NOS1AP: variants seen among roughly 807,000 people sequenced by gnomAD.
NOS1AP encodes the protein nitric oxide synthase 1 adaptor protein.
Under a neutral mutation model 56.2 loss-of-function variants are expected in NOS1AP, and 21 were observed. The observed-to-expected ratio is 0.37, with a 90% CI of 0.26 to 0.54. The LOEUF (loss-of-function observed/expected upper bound fraction) is 0.54. NOS1AP is among the 20% of genes least tolerant of loss of function. The pLI is 0.84. For missense variants in NOS1AP, 522 were observed against 657.8 expected (o/e 0.79, Z 2.26); for synonymous variants, 270 against 274.6 (o/e 0.98, Z 0.17).
At chr1:162,307,579 G>A (rs1001089556) in intron 4 of NOS1AP, among the ~76,000 whole-genome samples, 9 of 152,228 alleles carry the variant, frequency 5.9e-5, no homozygotes, top group South Asian at 2.1e-4. Context: ...TGAGGCAGGC[G>A]GATCACGAGG....
intron 6 of NOS1AP, among the ~76,000 whole-genome samples, chr1:162,349,700 G>C (rs1657428844): frequency 6.6e-6 from 1 of 152,180 alleles, no homozygotes; most frequent in Non-Finnish European, 1.5e-5. Flanking sequence ...TGTTTATTAA[G>C]TTTTCCAATG....
chr1:162,141,965 A>C (rs1277742734), intron 1 of NOS1AP, among the ~76,000 whole-genome samples: 1 of 152,212 alleles, frequency 6.6e-6, no homozygotes, highest in Non-Finnish European at 1.5e-5. Context: ...TTCTTGCTTA[A>C]AAACAGGAAA....
intron 1 of NOS1AP, among the ~76,000 whole-genome samples, chr1:162,154,103 C>A (rs991310067): frequency 6.6e-6 from 1 of 151,838 alleles, no homozygotes; most frequent in East Asian, 1.9e-4. Flanking sequence ...ATTGCTTTGC[C>A]ATAAAGTAGT....
chr1:162,172,236 C>T (rs1650823392), intron 2 of NOS1AP, among the ~76,000 whole-genome samples: 1 of 152,212 alleles, frequency 6.6e-6, no homozygotes. Flanking sequence ...AAAGAGGAAA[C>T]TTGTTGAGCC....
intron 4 of NOS1AP, among the ~76,000 whole-genome samples, chr1:162,309,792 T>C (rs1290892609): frequency 6.6e-6 from 1 of 152,210 alleles, no homozygotes. Context: ...GAGGAGCTAG[T>C]AATGCCTTTA....
At chr1:162,206,659 C>A (rs1329165518) in intron 2 of NOS1AP, among the ~76,000 whole-genome samples, 4 of 152,152 alleles carry the variant, frequency 2.6e-5, no homozygotes, top group Non-Finnish European at 5.9e-5. Flanking sequence ...AGTAGGCATT[C>A]TTGATGATCA....
chr1:162,249,943 C>T (rs1381212171), intron 2 of NOS1AP, among the ~76,000 whole-genome samples: 1 of 152,182 alleles, frequency 6.6e-6, no homozygotes, highest in Non-Finnish European at 1.5e-5. Flanking sequence ...GAAGTAAAGA[C>T]TTTGTAGGTT....
intron 2 of NOS1AP, among the ~76,000 whole-genome samples, chr1:162,198,269 A>G (rs374986592): frequency 2.4e-4 from 36 of 152,320 alleles, no homozygotes; most frequent in African/African-American, 8.2e-4. Flanking sequence ...CTTATTTTCC[A>G]GTCATCAAAG....
chr1:162,188,442 G>T lies in NOS1AP; in HGVS notation c.177+33966G>T, dbSNP rs1195934889. The stretch of plus-strand genomic sequence containing the variant: ...CTGTTGTTAATATCTTATAAGACCT[G>T]GATCACTTGCTTTATTGAAATGGGA... On this transcript the variant is annotated intron_variant, in intron 2 of 9. Transcript: ENST00000361897. This position sits in a 1 kb window ranked among gnomAD's most constrained non-coding sequence, Gnocchi z 4.0. Among the ~76,000 whole-genome samples the T allele has an allele frequency of 6.6e-6, 1 of 152,132 alleles. No individual in the cohort carries two copies. The highest frequency in any genetic ancestry group is 1.5e-5 in the Non-Finnish European group (1 of 68,032).
intron 1 of NOS1AP, among the ~76,000 whole-genome samples, chr1:162,120,428 G>T (rs1648160606): frequency 6.6e-6 from 1 of 152,164 alleles, no homozygotes; most frequent in African/African-American, 2.4e-5. Flanking sequence ...AATGAGGAGA[G>T]AATTTGTATT....
At chr1:162,221,604 C>T (rs898951662) in intron 2 of NOS1AP, among the ~76,000 whole-genome samples, 8 of 149,480 alleles carry the variant, frequency 5.4e-5, no homozygotes, top group African/African-American at 1.7e-4. Context: ...GGGTTCAAAG[C>T]CTGTCTCTAT....
At chr1:162,083,491 C>T (rs1260654498) in intron 1 of NOS1AP, among the ~76,000 whole-genome samples, 1 of 152,100 alleles carries the variant, frequency 6.6e-6, no homozygotes, top group Non-Finnish European at 1.5e-5. Context: ...TCCTCCTGCC[C>T]TGGCCTCCCA....
intron 1 of NOS1AP, among the ~76,000 whole-genome samples, chr1:162,145,039 C>T (rs1467338014): frequency 1.3e-5 from 2 of 152,210 alleles, no homozygotes. Context: ...AAGGATTCTG[C>T]TGTGATCTCC....
intron 8 of NOS1AP, 46 bp from the exon 9 acceptor site, chr1:162,365,358 C>G (rs370952844): frequency 6.2e-7 from 1 of 1,613,068 alleles, no homozygotes; most frequent in African/African-American, 1.3e-5. Context: ...TCATGTCCCT[C>G]TCTTCTCTCT....
intron 1 of NOS1AP, among the ~76,000 whole-genome samples, chr1:162,085,721 G>A (rs549319949): frequency 1.3e-5 from 2 of 152,288 alleles, no homozygotes; most frequent in East Asian, 1.9e-4. Flanking sequence ...AGTGCTTAGT[G>A]TTGAAGGCCA....
At chr1:162,277,875 T>C (rs1654793130) in intron 2 of NOS1AP, among the ~76,000 whole-genome samples, 1 of 152,218 alleles carries the variant, frequency 6.6e-6, no homozygotes, top group Non-Finnish European at 1.5e-5. Context: ...TTATTCTTAC[T>C]ATGCAGTGCT....
chr1:162,071,669 C>A (rs978031220), intron 1 of NOS1AP, among the ~76,000 whole-genome samples: 3 of 152,184 alleles, frequency 2.0e-5, no homozygotes, highest in African/African-American at 7.2e-5. Context: ...TTAGTTCTCT[C>A]ATCTCTCAGA....
chr1:162,080,284 A>G (rs1369229003), intron 1 of NOS1AP, among the ~76,000 whole-genome samples: 2 of 152,144 alleles, frequency 1.3e-5, no homozygotes, highest in Non-Finnish European at 2.9e-5. Flanking sequence ...ACACTTTAGA[A>G]TTCCTACTCT....
chr1:162,259,653 G>A (rs1335967799), intron 2 of NOS1AP, among the ~76,000 whole-genome samples: 1 of 152,136 alleles, frequency 6.6e-6, no homozygotes, highest in African/African-American at 2.4e-5. Flanking sequence ...TGTTCATAGT[G>A]TGTAAATCCA....
Sources: gnomAD v4.1 joint callset for allele counts (sites outside exome capture counted in the v4.1 genomes callset) on GRCh38, gnomAD v4.1.1 for gene constraint, Gnocchi (gnomAD v3.1) non-coding constraint, MANE v1.5 for transcripts, NCBI Gene and HGNC (gene_info 2026-07-23, HGNC 2026-07-21) for gene names.